The following ESRRG variants were observed in gnomAD, a reference collection of about 807,000 sequenced individuals.
The protein encoded by ESRRG is estrogen-related receptor gamma.
ESRRG carries 13 observed loss-of-function variants against 44.0 expected under a neutral mutation model. The observed-to-expected ratio is 0.30, with a 90% CI of 0.19 to 0.47. The LOEUF (loss-of-function observed/expected upper bound fraction) is 0.47, where lower values mean the gene tolerates loss of function less well. Among genes scored for constraint, ESRRG ranks in the 20% least tolerant of loss-of-function variants. The pLI, the probability that ESRRG is intolerant of heterozygous loss-of-function variation, is 1.00. For missense variants in ESRRG, 395 were observed against 580.6 expected (o/e 0.68, Z 3.29); for synonymous variants, 215 against 214.6 (o/e 1.00, Z -0.02).
At chr1:216,563,999 A>G (rs2059249808) in intron 5 of ESRRG, among the ~76,000 whole-genome samples, 1 of 152,230 alleles carries the variant, frequency 6.6e-6, no homozygotes, top group Non-Finnish European at 1.5e-5. Flanking sequence ...GTACCTGTAC[A>G]TATGAAAAAC....
rs1390584502 is a variant in ESRRG at position 216,806,175 on chromosome 1, G to T, written c.-13-128684C>A. Among the ~76,000 whole-genome samples, 2 of 152,208 alleles carry T rather than the reference G, an allele frequency of 1.3e-5. 1 individual carries two copies. ...CATGCCCTGCATGCTAAAGGCCGCA[G>T]CCTTTGTCTTCTCCAAGTTCTGTCT... is the stretch of plus-strand genomic sequence containing the variant. On this transcript the variant is annotated intron_variant, in intron 2 of 7. Transcript: ENST00000359162.
At chr1:217,120,821 T>C (rs1027391021) in intron 1 of ESRRG, among the ~76,000 whole-genome samples, 5 of 152,194 alleles carry the variant, frequency 3.3e-5, no homozygotes, top group Non-Finnish European at 5.9e-5. Flanking sequence ...GGACTCAAAA[T>C]TGTACCATTT....
chr1:216,599,288 A>G (rs1363790058), intron 3 of ESRRG, among the ~76,000 whole-genome samples: 1 of 152,214 alleles, frequency 6.6e-6, no homozygotes, highest in African/African-American at 2.4e-5. Flanking sequence ...GTAAAACCAC[A>G]TCAGAAAGTA....
In ESRRG at chr1:216,880,304, C is replaced by CAAAAAAAAAAAAAAAAAAAA. The variant is rs11301281; in HGVS notation, c.-14+59258_-14+59277dup. ...CCTGAGCGACAACAAGCCTCCCTCT[C>CAAAAAAAAAAAAAAAAAAAA]AAAAAAAAAAAAAAAAAAAAAAAAA... On this transcript the variant is annotated intron_variant, in intron 2 of 7. Coordinates refer to the ESRRG transcript ENST00000359162. 5.5e-4 allele frequency among the ~76,000 whole-genome samples: 16 copies of CAAAAAAAAAAAAAAAAAAAA among 29,036 alleles called. 1 individual carries two copies. Among genetic ancestry groups the CAAAAAAAAAAAAAAAAAAAA allele is most frequent in the Non-Finnish European group, 6.9e-4 (12 of 17,474 alleles). The allele number at this position is 29,036 out of a possible 152,430, so 19.0% of individuals were successfully genotyped here.
chr1:216,956,131 AAGAGTTTCCTGT>A (rs1450049269), intron 1 of ESRRG, among the ~76,000 whole-genome samples: 2 of 152,116 alleles, frequency 1.3e-5, no homozygotes, highest in Non-Finnish European at 2.9e-5. Context: ...CAATGTCCTG[AAGAGTTTCCTGT>A]ATGTTTTTTT....
intron 2 of ESRRG, among the ~76,000 whole-genome samples, chr1:216,883,386 GAAAAAAA>G (rs11318094): frequency 2.8e-4 from 21 of 75,836 alleles, no homozygotes; most frequent in East Asian, 1.7e-3. Context: ...ACTTCTCTGA[GAAAAAAA>G]AAAAAAAAAA....
At chr1:216,838,782 G>T (rs2095606917) in intron 2 of ESRRG, among the ~76,000 whole-genome samples, 1 of 152,250 alleles carries the variant, frequency 6.6e-6, no homozygotes, top group African/African-American at 2.4e-5. Context: ...CCATAATATA[G>T]TGTGCAATAG....
At chr1:217,014,783 G>C (rs2150835946) in intron 1 of ESRRG, among the ~76,000 whole-genome samples, 2 of 152,164 alleles carry the variant, frequency 1.3e-5, no homozygotes, top group South Asian at 4.2e-4. Context: ...ACTTAAGTTG[G>C]GTTCAATTAT....
At chr1:216,944,353 G>T (rs1288696651) in intron 1 of ESRRG, among the ~76,000 whole-genome samples, 3 of 151,960 alleles carry the variant, frequency 2.0e-5, no homozygotes, top group Non-Finnish European at 4.4e-5. Context: ...CCACTTTAAC[G>T]CTGGAAACAT....
chr1:216,677,670 G>C (rs886902507), intron 1 of ESRRG, among the ~76,000 whole-genome samples, 179 bp from the exon 2 acceptor site: 3 of 152,134 alleles, frequency 2.0e-5, no homozygotes, highest in South Asian at 4.1e-4. Context: ...AGTTTCCTAA[G>C]GGCTAGGGAC....
intron 1 of ESRRG, among the ~76,000 whole-genome samples, chr1:217,083,824 G>T (rs2091915096): frequency 6.6e-6 from 1 of 152,068 alleles, no homozygotes; most frequent in Non-Finnish European, 1.5e-5. Context: ...ATAATAACTT[G>T]GAAAAATATA....
intron 2 of ESRRG, among the ~76,000 whole-genome samples, chr1:216,911,363 A>G (rs962723684): frequency 6.6e-6 from 1 of 152,188 alleles, no homozygotes; most frequent in African/African-American, 2.4e-5. Flanking sequence ...AATGGCACAC[A>G]TCATATGATT....
intron 1 of ESRRG, among the ~76,000 whole-genome samples, chr1:216,943,592 C>T (rs2065600850): frequency 6.6e-6 from 1 of 152,148 alleles, no homozygotes; most frequent in South Asian, 2.1e-4. Flanking sequence ...GTATATCTTA[C>T]TGTGAGGGTT....
At chr1:216,762,413 G>A (rs1051220687) in intron 2 of ESRRG, among the ~76,000 whole-genome samples, 8 of 151,842 alleles carry the variant, frequency 5.3e-5, no homozygotes, top group African/African-American at 9.7e-5. Flanking sequence ...TAGGGACATG[G>A]ATGAAATTGG....
chr1:216,998,859 C>T (rs1348445360), intron 1 of ESRRG, among the ~76,000 whole-genome samples: 2 of 152,298 alleles, frequency 1.3e-5, no homozygotes, highest in East Asian at 3.9e-4. Context: ...CCATTGAGAG[C>T]ACCTAGGTGA....
intron 2 of ESRRG, among the ~76,000 whole-genome samples, chr1:216,734,448 G>A (rs1050028390): frequency 2.0e-5 from 3 of 152,074 alleles, no homozygotes; most frequent in African/African-American, 7.2e-5. Flanking sequence ...CACTCTGGTA[G>A]TTCACTAGAA....
intron 3 of ESRRG, among the ~76,000 whole-genome samples, chr1:216,588,786 A>C (rs2149952754): frequency 6.6e-6 from 1 of 152,328 alleles, no homozygotes; most frequent in East Asian, 1.9e-4. Context: ...GAAGAAATAG[A>C]AAAAGAAGGG....
intron 5 of ESRRG, among the ~76,000 whole-genome samples, chr1:216,526,891 C>T (rs898137483): frequency 6.6e-6 from 1 of 152,136 alleles, no homozygotes; most frequent in Admixed American, 6.6e-5. Context: ...CTCAACTTTG[C>T]TGGTTTCTGC....
At chr1:216,624,897 C>T (rs968852050) in intron 3 of ESRRG, among the ~76,000 whole-genome samples, 4 of 152,088 alleles carry the variant, frequency 2.6e-5, no homozygotes, top group Non-Finnish European at 2.9e-5. Flanking sequence ...TCTTCTCATC[C>T]GAGTTTCTAC....
Sources: allele counts gnomAD v4.1 joint callset (sites outside exome capture counted in the v4.1 genomes callset), GRCh38; gene constraint gnomAD v4.1.1; transcripts MANE v1.5; gene names NCBI Gene and HGNC (gene_info 2026-07-23, HGNC 2026-07-21).